Variants in UVRAG observed in about 807,000 individuals in gnomAD.
UVRAG encodes the protein UV radiation resistance-associated gene protein.
In UVRAG, 19 loss-of-function variants were observed where a neutral mutation model predicts 78.0. The ratio of observed to expected loss-of-function variants is 0.24; its 90% CI spans 0.17 to 0.36. The LOEUF is 0.36. UVRAG is among the 10% of genes least tolerant of loss of function. UVRAG has a pLI of 1.00. For missense variants in UVRAG, 740 were observed against 853.8 expected (o/e 0.87, Z 1.66); for synonymous variants, 323 against 324.6 (o/e 1.00, Z 0.05).
At chr11:75,835,487 T>C (rs567108258) in intron 1 of UVRAG, among the ~76,000 whole-genome samples, 4 of 152,356 alleles carry the variant, frequency 2.6e-5, no homozygotes, top group African/African-American at 4.8e-5. Context: ...AGCCACTTAC[T>C]GTTTCTGAGC....
At chr11:76,069,877 A>G (rs1202521400) in intron 13 of UVRAG, among the ~76,000 whole-genome samples, 1 of 152,176 alleles carries the variant, frequency 6.6e-6, no homozygotes, top group East Asian at 1.9e-4. Flanking sequence ...ACATTCCCAG[A>G]TAGAAAAGGA....
chr11:75,923,981 A>G (rs1236601454), intron 6 of UVRAG, among the ~76,000 whole-genome samples: 3 of 152,242 alleles, frequency 2.0e-5, no homozygotes, highest in Non-Finnish European at 4.4e-5. Flanking sequence ...CATGTAAACT[A>G]AAACAAAATA....
At chr11:75,880,072 T>C in intron 4 of UVRAG, 32 bp downstream of exon 4, 1 of 1,610,018 alleles carries the variant, frequency 6.2e-7, no homozygotes. Context: ...CAAGTAGTTG[T>C]CATCTCCAAA....
At chr11:75,881,282 T>G (rs1946938763) in intron 4 of UVRAG, among the ~76,000 whole-genome samples, 1 of 152,202 alleles carries the variant, frequency 6.6e-6, no homozygotes, top group Non-Finnish European at 1.5e-5. Context: ...AGCTTGGTTT[T>G]ATACATTTTA....
intron 12 of UVRAG, among the ~76,000 whole-genome samples, chr11:76,055,964 C>G (rs1213056156): frequency 6.6e-6 from 1 of 152,236 alleles, no homozygotes; most frequent in Non-Finnish European, 1.5e-5. Flanking sequence ...CCACCTCGGC[C>G]TCCCAAAGTG....
chr11:75,885,506 A>G (rs546524401), intron 4 of UVRAG, among the ~76,000 whole-genome samples: 25 of 152,250 alleles, frequency 1.6e-4, no homozygotes, highest in African/African-American at 6.0e-4. Context: ...AAGATCGCGC[A>G]GTGTTTGGTG....
chr11:75,834,612 A>C (rs1388518115), intron 1 of UVRAG, among the ~76,000 whole-genome samples: 1 of 152,130 alleles, frequency 6.6e-6, no homozygotes, highest in Non-Finnish European at 1.5e-5. Flanking sequence ...CAGGAGATCG[A>C]GACTGTCCTG....
At chr11:76,053,552 A>G (rs1187846896) in intron 12 of UVRAG, among the ~76,000 whole-genome samples, 1 of 152,082 alleles carries the variant, frequency 6.6e-6, no homozygotes, top group Non-Finnish European at 1.5e-5. Flanking sequence ...CTGGAACCCT[A>G]ACCAAAACTG....
At chr11:76,062,142 A>G (rs767455697) in intron 12 of UVRAG, among the ~76,000 whole-genome samples, 1 of 152,192 alleles carries the variant, frequency 6.6e-6, no homozygotes, top group African/African-American at 2.4e-5. Flanking sequence ...CCATCTGCAC[A>G]CAACCTCTTT....
chr11:76,085,123 C>T (rs1329816162), intron 13 of UVRAG, among the ~76,000 whole-genome samples: 1 of 151,110 alleles, frequency 6.6e-6, no homozygotes, highest in Non-Finnish European at 1.5e-5. Context: ...CACCACATTG[C>T]CTTAACCAGA....
At chr11:76,003,288 T>TTTTTTTTTG (rs1491521163) in intron 8 of UVRAG, among the ~76,000 whole-genome samples, 52 of 62,544 alleles carry the variant, frequency 8.3e-4, no homozygotes, top group African/African-American at 3.0e-3. Context: ...TTTTTTTTTT[T>TTTTTTTTTG]GGAGACAGAG....
intron 8 of UVRAG, among the ~76,000 whole-genome samples, chr11:76,003,537 A>G (rs1949863527): frequency 6.6e-6 from 1 of 152,122 alleles, no homozygotes; most frequent in African/African-American, 2.4e-5. Flanking sequence ...AATGATATTT[A>G]TGAGGAAGAT....
At chr11:76,097,379 A>G (rs767497010) in intron 13 of UVRAG, among the ~76,000 whole-genome samples, 7 of 151,986 alleles carry the variant, frequency 4.6e-5, no homozygotes, top group Non-Finnish European at 1.0e-4. Flanking sequence ...GGATTTGCAC[A>G]TGCAGTTTCC....
intron 8 of UVRAG, among the ~76,000 whole-genome samples, chr11:75,984,791 T>C (rs1009952110): frequency 6.6e-6 from 1 of 152,230 alleles, no homozygotes; most frequent in African/African-American, 2.4e-5. Flanking sequence ...GTAGAGTCAT[T>C]CTTACCTTCA....
At chr11:76,035,798 G>A (rs967701575) in intron 12 of UVRAG, among the ~76,000 whole-genome samples, 9 of 152,104 alleles carry the variant, frequency 5.9e-5, no homozygotes, top group Non-Finnish European at 1.0e-4. Flanking sequence ...TTATGAAACA[G>A]ACTAAGAAAG....
At chr11:75,854,624 C>T (rs1257014953) in intron 2 of UVRAG, among the ~76,000 whole-genome samples, 1 of 152,100 alleles carries the variant, frequency 6.6e-6, no homozygotes, top group Non-Finnish European at 1.5e-5. Context: ...ACCATGTTGG[C>T]CAGGCTGGTC....
At chr11:76,135,373 T>C (rs1952582394) in intron 14 of UVRAG, among the ~76,000 whole-genome samples, 1 of 152,164 alleles carries the variant, frequency 6.6e-6, no homozygotes, top group Admixed American at 6.5e-5. Flanking sequence ...TTAATCATCT[T>C]AATTTAGAGA....
chr11:75,897,461 C>T (rs183535847), intron 5 of UVRAG, among the ~76,000 whole-genome samples: 1 of 152,146 alleles, frequency 6.6e-6, no homozygotes, highest in African/African-American at 2.4e-5. Flanking sequence ...ATTTATTGAA[C>T]TTGACATGGC....
In UVRAG at chr11:75,961,432, T is replaced by C; in HGVS notation, c.594-12T>C. Reference sequence around the variant, plus strand: ...TAACTCATTTACATTTTTCTATAACTTATATTTCTAGGCTTCATAGAGCCC... The same window carrying C: ...TAACTCATTTACATTTTTCTATAACCTATATTTCTAGGCTTCATAGAGCCC... On this transcript the variant is annotated splice_polypyrimidine_tract_variant and intron_variant, in intron 6 of 14. Transcript: ENST00000356136. 2.5e-6 allele frequency: 4 copies of C among 1,579,260 alleles called. No homozygotes were observed. The South Asian group carries it at 4.7e-5, about 19-fold the overall frequency.
Sources: gnomAD v4.1 joint callset for allele counts (sites outside exome capture counted in the v4.1 genomes callset) on GRCh38, gnomAD v4.1.1 for gene constraint, MANE v1.5 for transcripts, NCBI Gene and HGNC (gene_info 2026-07-23, HGNC 2026-07-21) for gene names.